The following PCDHGA3 variants were observed in gnomAD, a reference collection of about 807,000 sequenced individuals.
PCDHGA3 encodes the protein protocadherin gamma subfamily A, 3.
Under a neutral mutation model 58.5 loss-of-function variants are expected in PCDHGA3, and 40 were observed. The observed-to-expected ratio is 0.68, with a 90% CI of 0.53 to 0.89. PCDHGA3 has a LOEUF of 0.89. PCDHGA3 is among the 40% of genes least tolerant of loss of function. The pLI is 0.00. For synonymous variants in PCDHGA3, 530 were observed against 525.7 expected (o/e 1.01, Z -0.11); for missense variants, 1,223 against 1,195.9 (o/e 1.02, Z -0.33).
chr5:141,481,455 C>T (rs2099537897), intron 1 of PCDHGA3, among the ~76,000 whole-genome samples: 1 of 152,176 alleles, frequency 6.6e-6, no homozygotes, highest in African/African-American at 2.4e-5. Flanking sequence ...TGTAAATACA[C>T]TGAAAACCAT....
At chr5:141,366,516 G>A (rs1198130864) in intron 1 of PCDHGA3, 2 of 1,614,274 alleles carry the variant, frequency 1.2e-6, no homozygotes, top group East Asian at 2.2e-5. Flanking sequence ...CAGGCTGAAG[G>A]CAGCAGGTTG....
At position 141,393,679 on chromosome 5, in the gene PCDHGA3, C is replaced by T. The variant is rs1188443485; in HGVS notation, c.2424+47222C>T. 4.3e-6 allele frequency: 7 copies of T among 1,613,894 alleles called. No individual in the cohort carries two copies. Among genetic ancestry groups the T allele is most frequent in the Non-Finnish European group, 5.9e-6 (7 of 1,179,900 alleles). ...TTCCGGAAAATTAATGAAAAACAAA[C>T]TCCGTTATTCCAGCTTAATGAAAAT... On this transcript the variant is annotated intron_variant, in intron 1 of 3. Transcript: ENST00000253812.
At chr5:141,383,599 G>T in intron 1 of PCDHGA3, 2 of 1,613,742 alleles carry the variant, frequency 1.2e-6, no homozygotes, top group Non-Finnish European at 8.5e-7. Flanking sequence ...GACAGTGGTG[G>T]ATGTGAATGA....
At chr5:141,394,034 G>T in intron 1 of PCDHGA3, 1 of 1,613,540 alleles carries the variant, frequency 6.2e-7, no homozygotes, top group Non-Finnish European at 8.5e-7. Flanking sequence ...TAGTGACAAG[G>T]AAATATTTGG....
At chr5:141,457,736 T>G (rs1265562501) in intron 1 of PCDHGA3, among the ~76,000 whole-genome samples, 1 of 152,254 alleles carries the variant, frequency 6.6e-6, no homozygotes, top group African/African-American at 2.4e-5. Flanking sequence ...AGATTAGACT[T>G]TTAAAGCTGA....
intron 1 of PCDHGA3, chr5:141,421,355 G>C (rs1561793348): frequency 6.2e-7 from 1 of 1,613,990 alleles, no homozygotes. Flanking sequence ...ACCGAAAAGG[G>C]CTCCTTCGTG....
At chr5:141,385,375 T>C (rs1781162127) in intron 1 of PCDHGA3, 2 of 1,523,626 alleles carry the variant, frequency 1.3e-6, no homozygotes, top group South Asian at 1.3e-5. Context: ...GCATGATATT[T>C]CTCTATTATT....
chr5:141,408,263 C>G, intron 1 of PCDHGA3: 1 of 1,606,854 alleles, frequency 6.2e-7, no homozygotes. Flanking sequence ...ATTTCCTTTG[C>G]TGCTGCCTTT....
intron 1 of PCDHGA3, chr5:141,441,330 C>T (rs919906372): frequency 8.5e-5 from 13 of 152,170 alleles, no homozygotes; most frequent in Admixed American, 1.3e-4. Context: ...AATCTTCCTC[C>T]AATAATTAAC....
rs70988800 is a variant in PCDHGA3, at chr5:141,379,889, CTTTTTTTTTTTTTTT to C, written c.2424+33448_2424+33462del. On this transcript the variant is annotated intron_variant, in intron 1 of 3. Coordinates refer to ENST00000253812, the MANE Select transcript of PCDHGA3 (RefSeq NM_018916.4). ...CTTATTTTATGGTCTGTGAAAGCCT[CTTTTTTTTTTTTTTT>C]TTTTTTTTTTTTTTTGTCAGAGTCT... Among the ~76,000 whole-genome samples the C allele has an allele frequency of 9.8e-4, 50 of 50,836 alleles. 1 individual carries two copies. Among genetic ancestry groups the C allele is most frequent in the Non-Finnish European group, 5.4e-4 (14 of 25,884 alleles). The allele number at this position is 50,836 out of a possible 152,430, so 33.4% of individuals were successfully genotyped here.
rs2099425622 is a variant in PCDHGA3, at chr5:141,477,947, T to C, written c.2425-16860T>C. Reference sequence around the variant, plus strand: ...CAATGCCTGGCTCTCCTACAGTCTCTTGGGATCCCCTAACCAGAGCCTTTT... The same window carrying C: ...CAATGCCTGGCTCTCCTACAGTCTCCTGGGATCCCCTAACCAGAGCCTTTT... On this transcript the variant is annotated intron_variant, in intron 1 of 3. Coordinates refer to ENST00000253812, the MANE Select transcript of PCDHGA3 (RefSeq NM_018916.4). The surrounding 1 kb of genome is among the most constrained non-coding windows in gnomAD (Gnocchi z 4.9). 1.9e-6 allele frequency: 3 copies of C among 1,614,132 alleles called. No homozygotes were observed. Among genetic ancestry groups the C allele is most frequent in the Non-Finnish European group, 2.5e-6 (3 of 1,180,018 alleles).
chr5:141,360,494 C>A (rs769927521), intron 1 of PCDHGA3: 3 of 1,613,924 alleles, frequency 1.9e-6, no homozygotes, highest in Admixed American at 1.7e-5. Context: ...TTCTACATAG[C>A]AGTAATTGTG....
chr5:141,487,591 C>T lies in PCDHGA3; in HGVS notation c.2425-7216C>T. 8 of 1,614,176 alleles carry T rather than the reference C, an allele frequency of 5.0e-6. No homozygotes were observed. The highest frequency in any genetic ancestry group is 6.8e-6 in the Non-Finnish European group (8 of 1,180,036). On this transcript the variant is annotated intron_variant, in intron 1 of 3. Coordinates refer to ENST00000253812, the MANE Select transcript of PCDHGA3 (RefSeq NM_018916.4). The surrounding 1 kb of genome is among the most constrained non-coding windows in gnomAD (Gnocchi z 5.0). ...AGCCTGTTCGCCCAAGCTGCCCACC[C>T]TCTGATCTTCTCTATGGGCTAGAGG...
chr5:141,414,351 G>A (rs771256149), intron 1 of PCDHGA3: 16 of 1,613,676 alleles, frequency 9.9e-6, no homozygotes, highest in South Asian at 6.6e-5. Flanking sequence ...CCATTTTGGC[G>A]TATCTACCAT....
chr5:141,400,106 T>A (rs771937544), intron 1 of PCDHGA3: 1 of 1,613,950 alleles, frequency 6.2e-7, no homozygotes, highest in African/African-American at 1.3e-5. Context: ...CACTTGGTCT[T>A]TGCTGACAGC....
At chr5:141,411,161 A>G (rs2095470005) in intron 1 of PCDHGA3, 1 of 152,284 alleles carries the variant, frequency 6.6e-6, no homozygotes, top group Non-Finnish European at 1.5e-5. Context: ...AGTTCTGACT[A>G]TCGAACAGAA....
chr5:141,403,109 G>A (rs754708762), intron 1 of PCDHGA3: 3 of 1,614,074 alleles, frequency 1.9e-6, no homozygotes. Context: ...CAAGGACCTG[G>A]CTCTGGAGCC....
rs965707754 is a variant in PCDHGA3 at position 141,505,329 on chromosome 5, G to A, written c.2484-64G>A. On this transcript the variant is annotated intron_variant, in intron 2 of 3. Coordinates refer to ENST00000253812, the MANE Select transcript of PCDHGA3 (RefSeq NM_018916.4). ...ACTAGGTTTGGGAGCCCTGGGAGAG[G>A]ACAGGAGGGGCATGAGCTGTGCCGG... is the stretch of plus-strand genomic sequence containing the variant. The A allele has an allele frequency of 2.5e-6, 4 of 1,610,060 alleles. No individual in the cohort carries two copies. The African/African-American group carries it at 5.3e-5, about 22-fold the overall frequency.
chr5:141,457,058 T>A (rs756862311), intron 1 of PCDHGA3, among the ~76,000 whole-genome samples: 2 of 152,230 alleles, frequency 1.3e-5, no homozygotes, highest in Non-Finnish European at 2.9e-5. Flanking sequence ...TCATGCTTCC[T>A]TTTTGCCAGT....
Sources: gnomAD v4.1 joint callset for allele counts (sites outside exome capture counted in the v4.1 genomes callset) on GRCh38, gnomAD v4.1.1 for gene constraint, Gnocchi (gnomAD v3.1) non-coding constraint, MANE v1.5 for transcripts, NCBI Gene and HGNC (gene_info 2026-07-23, HGNC 2026-07-21) for gene names.